The following GSE1 variants were observed in gnomAD, a reference collection of about 807,000 sequenced individuals.
GSE1 encodes the protein Gse1 coiled-coil protein, also known as genetic suppressor element 1.
A neutral mutation model predicts 112.6 loss-of-function variants in GSE1; 32 were observed. The observed-to-expected ratio is 0.28, with a 90% CI of 0.21 to 0.38. The LOEUF (loss-of-function observed/expected upper bound fraction) is 0.38, where lower values mean the gene tolerates loss of function less well. GSE1 is among the 10% of genes least tolerant of loss of function. The pLI is 1.00. For missense variants in GSE1, 2,348 were observed against 1,699.2 expected (o/e 1.38, Z -6.71); for synonymous variants, 1,115 against 735.6 (o/e 1.52, Z -8.35).
rs144248882 is a variant in GSE1, at chr16:85,314,414, A to G, written c.2284-43049A>G. Among the ~76,000 whole-genome samples, 302 of 152,270 alleles carry G rather than the reference A, an allele frequency of 2.0e-3. 4 individuals are homozygous for G. Among genetic ancestry groups the G allele is most frequent in the African/African-American group, 7.0e-3 (293 of 41,564 alleles). Reference sequence around the variant, plus strand: ...GCAGGATGCCATGTCCCAGCCCAGCATCTGTGTGGGGCTGTGGGACAGATG... The same window carrying G: ...GCAGGATGCCATGTCCCAGCCCAGCGTCTGTGTGGGGCTGTGGGACAGATG... On this transcript the variant is annotated intron_variant, in intron 1 of 2. Transcript: ENST00000637419.
chr16:85,666,516 T>A, intron 13 of GSE1, 169 bp downstream of exon 13: 1 of 669,384 alleles, frequency 1.5e-6, no homozygotes, highest in Non-Finnish European at 2.5e-6. Flanking sequence ...TTTGTTTGTT[T>A]ATCTCCAAGC....
chr16:85,559,888 C>G (rs2045429704), intron 1 of GSE1, among the ~76,000 whole-genome samples: 1 of 152,144 alleles, frequency 6.6e-6, no homozygotes, highest in African/African-American at 2.4e-5. Context: ...GAGCAGAGAC[C>G]ATCTGGACTG....
chr16:85,370,214 A>G (rs1246894964), intron 2 of GSE1, among the ~76,000 whole-genome samples: 6 of 152,074 alleles, frequency 3.9e-5, no homozygotes, highest in Non-Finnish European at 8.8e-5. Context: ...GTCCCTGGGC[A>G]CTGGGAATGG....
At chr16:85,217,729 C>T (rs1365597200) in intron 1 of GSE1, among the ~76,000 whole-genome samples, 2 of 152,200 alleles carry the variant, frequency 1.3e-5, no homozygotes, top group South Asian at 4.1e-4. Flanking sequence ...AACAGCCCAG[C>T]GGACTTTCCT....
Position 85,508,260 on chromosome 16 carries a change from C to T in GSE1, c.2465-125654C>T, listed in dbSNP as rs542294511. The stretch of plus-strand genomic sequence containing the variant: ...TGTTGGCCAGGCTGGTCTGCAACTC[C>T]TGACCTCAGGTGATCCACCCGCTTC... On this transcript the variant is annotated intron_variant, in intron 2 of 2. Coordinates refer to the GSE1 transcript ENST00000637419. Among the ~76,000 whole-genome samples the T allele has an allele frequency of 1.9e-4, 29 of 152,318 alleles. No individual in the cohort carries two copies. In the East Asian group the frequency reaches 4.1e-3, roughly 21 times the overall value.
chr16:85,657,471 C>G lies in GSE1; in HGVS notation c.1507C>G (p.Arg503Gly), dbSNP rs372908179. Residue 503 changes from arginine to glycine, a missense_variant, in exon 8 of 16, where the codon CGG becomes GGG. By Grantham distance (125) the Arg-to-Gly change is moderately radical. Transcript: ENST00000253458. ...GGAGAAGTGGCTGGCGCGGCAGCGG[C>G]GGCTGCGGCAGGAGAAGGAGGACCG... ...EEEKWLARQRRLRQEKEDRQS... is the reference protein window; with the variant it reads ...EEEKWLARQRGLRQEKEDRQS... The G allele has an allele frequency of 9.9e-6, 16 of 1,608,076 alleles. No homozygotes were observed. Among genetic ancestry groups the G allele is most frequent in the Admixed American group, 3.4e-5 (2 of 59,358 alleles).
chr16:85,483,551 C>T (rs936498442), intron 2 of GSE1, among the ~76,000 whole-genome samples: 3 of 152,278 alleles, frequency 2.0e-5, no homozygotes, highest in Admixed American at 1.3e-4. Flanking sequence ...CTGCTCCCTT[C>T]TCTTCCACCA....
chr16:85,554,890 C>CCCCG (rs1312545265), upstream of GSE1: 1 of 985,230 alleles, frequency 1.0e-6, no homozygotes, highest in East Asian at 1.1e-4. Context: ...TGCAAACGGC[C>CCCCG]CCCGCTTCGG....
chr16:85,496,028 G>A (rs1337838116), intron 2 of GSE1, among the ~76,000 whole-genome samples: 3 of 152,186 alleles, frequency 2.0e-5, no homozygotes, highest in Non-Finnish European at 1.5e-5. Flanking sequence ...AGGGAACCTC[G>A]GGAATCGATT....
intron 1 of GSE1, among the ~76,000 whole-genome samples, chr16:85,245,698 T>C (rs189550504): frequency 1.4e-4 from 21 of 152,286 alleles, no homozygotes; most frequent in Admixed American, 1.3e-3. Flanking sequence ...TCGTAACAGA[T>C]TGGGGACCTT....
At chr16:85,340,779 T>A (rs2046608558) in intron 1 of GSE1, among the ~76,000 whole-genome samples, 1 of 151,890 alleles carries the variant, frequency 6.6e-6, no homozygotes, top group South Asian at 2.1e-4. Flanking sequence ...AAGGGGTTTC[T>A]CCCACATGTC....
chr16:85,548,231 A>G (rs1176576107), intron 2 of GSE1, among the ~76,000 whole-genome samples: 1 of 135,256 alleles, frequency 7.4e-6, no homozygotes, highest in Non-Finnish European at 1.6e-5. Context: ...CTTTCTCAAA[A>G]AAAAAAAAAA....
intron 2 of GSE1, among the ~76,000 whole-genome samples, chr16:85,374,845 G>A (rs1222370469): frequency 6.6e-6 from 1 of 152,158 alleles, no homozygotes; most frequent in East Asian, 1.9e-4. Flanking sequence ...TCCTCTGTGG[G>A]GTGAAGACAA....
chr16:85,369,820 G>A (rs886208955), intron 2 of GSE1, among the ~76,000 whole-genome samples: 6 of 152,206 alleles, frequency 3.9e-5, no homozygotes, highest in Admixed American at 1.3e-4. Context: ...TTTATTGAGC[G>A]CCGACTGTGT....
chr16:85,216,476 TATA>T (rs1171761569), intron 1 of GSE1, among the ~76,000 whole-genome samples: 6 of 152,240 alleles, frequency 3.9e-5, no homozygotes, highest in Non-Finnish European at 5.9e-5. Flanking sequence ...GTTATCTGAT[TATA>T]ATAATTCATA....
At position 85,672,044 on chromosome 16, in the gene GSE1, G is replaced by T. The variant is rs575443315; in HGVS notation, c.3520-361G>T. 8.2e-5 allele frequency: 19 copies of T among 230,888 alleles called. No homozygotes were observed. In the South Asian group the frequency reaches 8.9e-4, roughly 11 times the overall value. 14.3% of individuals were successfully genotyped at this position (230,888 alleles called of 1,614,324 possible). A position where few individuals can be genotyped will look rare whatever the true frequency, so the allele number is the denominator to read the frequency against. On this transcript the variant is annotated intron_variant, in intron 15 of 15. Transcript: ENST00000253458. ...GGCGAAGTCTCACTCTGTCACCCAAGCTGGAATGCAGTGGCGCAGTCTCGG... is the reference window on the plus strand; with the variant it reads ...GGCGAAGTCTCACTCTGTCACCCAATCTGGAATGCAGTGGCGCAGTCTCGG...
chr16:85,307,365 C>G (rs960969858), intron 1 of GSE1, among the ~76,000 whole-genome samples: 3 of 152,226 alleles, frequency 2.0e-5, no homozygotes, highest in Admixed American at 6.5e-5. Flanking sequence ...ACTTCTGACA[C>G]ACCTGCCTAG....
At chr16:85,508,695 T>C (rs188011464) in intron 2 of GSE1, among the ~76,000 whole-genome samples, 6 of 152,304 alleles carry the variant, frequency 3.9e-5, no homozygotes, top group Admixed American at 3.3e-4. Flanking sequence ...GGCTGCTGCT[T>C]GTGCTCAGTA....
At chr16:85,421,743 C>T (rs907825357) in intron 2 of GSE1, among the ~76,000 whole-genome samples, 2 of 152,046 alleles carry the variant, frequency 1.3e-5, no homozygotes, top group Admixed American at 6.5e-5. Context: ...GGCTTCCGGT[C>T]GTCCTGGGTG....
Sources: gnomAD v4.1 joint callset for allele counts (sites outside exome capture counted in the v4.1 genomes callset) on GRCh38, gnomAD v4.1.1 for gene constraint, MANE v1.5 for transcripts, NCBI Gene and HGNC (gene_info 2026-07-23, HGNC 2026-07-21) for gene names.